The following SMLR1 variants were observed in gnomAD, a reference collection of about 807,000 sequenced individuals.
The protein encoded by SMLR1 is small leucine-rich protein 1.
Under a neutral mutation model 6.1 loss-of-function variants are expected in SMLR1, and 3 were observed. The observed-to-expected ratio is 0.49, with a 90% CI of 0.22 to 1.28. The LOEUF (loss-of-function observed/expected upper bound fraction) is 1.28, where lower values mean the gene tolerates loss of function less well. Ranked by LOEUF, SMLR1 falls within the 50% of genes most tolerant of loss-of-function variation. SMLR1 has a pLI of 0.19. For synonymous variants in SMLR1, 55 were observed against 53.6 expected, an observed-to-expected ratio of 1.03 and a Z score of -0.11; for missense variants, 126 against 124.8, an observed-to-expected ratio of 1.01 and a Z score of -0.05.
rs1774381752 is a variant in SMLR1 at position 130,829,640 on chromosome 6, A to C, written c.238+1989A>C. On this transcript the variant is annotated intron_variant, in intron 1 of 1. Coordinates refer to ENST00000541421, the MANE Select transcript of SMLR1 (RefSeq NM_001195597.2). ...AAAAAAGTTACTACCTTAAGTTTGT[A>C]ACTCAATACAATTGAAACTACTTCT... Among the ~76,000 whole-genome samples the C allele has an allele frequency of 3.3e-5, 5 of 152,342 alleles. No individual in the cohort carries two copies. In the South Asian group the frequency reaches 1.0e-3, roughly 32 times the overall value.
In SMLR1 at chr6:130,827,604, T is replaced by A; in HGVS notation, c.191T>A (p.Leu64Ter). Residue 64 changes from leucine to a stop codon, truncating the protein, a stop_gained, in exon 1 of 2, where the codon TTG becomes TAG. Transcript: ENST00000541421. LOFTEE classifies it low-confidence loss of function (END_TRUNC). ...LFFGVFLPVT[L>*]LLLLLIAYFR... The stretch of plus-strand genomic sequence containing the variant: ...TTTGGGGTCTTCCTCCCCGTGACTT[T>A]GCTGCTGCTCCTCCTCATCGCCTAC... The A allele has an allele frequency of 1.3e-6, 2 of 1,535,318 alleles. No individual in the cohort carries two copies. The highest frequency in any genetic ancestry group is 1.7e-6 in the Non-Finnish European group (2 of 1,146,184).
At position 130,836,764 on chromosome 6, in the gene SMLR1, A is replaced by G. The variant is rs1053782391; in HGVS notation, c.*1809A>G. The G allele has an allele frequency of 6.6e-6, 1 of 152,206 alleles. No individual in the cohort carries two copies. Among genetic ancestry groups the G allele is most frequent in the Non-Finnish European group, 1.5e-5 (1 of 68,050 alleles). The allele number at this position is 152,206 out of a possible 1,614,324, so 9.4% of individuals were successfully genotyped here. A position where few individuals can be genotyped will look rare whatever the true frequency, so the allele number is the denominator to read the frequency against. On this transcript the variant is annotated 3_prime_UTR_variant, in exon 2 of 2. Transcript: ENST00000541421. ...CATCTGCCTGAAGGCACTGCTAACG[A>G]ATTTGTCAAATCCTTTATCCAGCAC...
chr6:130,828,046 G>A (rs945249315), intron 1 of SMLR1, among the ~76,000 whole-genome samples: 11 of 117,588 alleles, frequency 9.4e-5, no homozygotes, highest in East Asian at 7.8e-4. Flanking sequence ...GTGCATGTCC[G>A]TGCGTGTGTA....
chr6:130,832,925 T>A (rs1214048694), intron 1 of SMLR1, among the ~76,000 whole-genome samples: 2 of 152,142 alleles, frequency 1.3e-5, no homozygotes, highest in African/African-American at 4.8e-5. Flanking sequence ...ATCAATCTCT[T>A]AATATAACGG....
rs953656243 is a variant in SMLR1, at chr6:130,835,207, T to C, written c.*252T>C. The C allele has an allele frequency of 1.8e-5, 7 of 390,118 alleles. No individual in the cohort carries two copies. Among genetic ancestry groups the C allele is most frequent in the African/African-American group, 6.0e-5 (3 of 50,098 alleles). 24.2% of individuals were successfully genotyped at this position (390,118 alleles called of 1,614,324 possible). A position where few individuals can be genotyped will look rare whatever the true frequency, so the allele number is the denominator to read the frequency against. On this transcript the variant is annotated 3_prime_UTR_variant, in exon 2 of 2. Transcript: ENST00000541421. ...TTCCTGGGTATATACACTGGACACA[T>C]TGTAACTTTTTAACTTTTATTGTGA...
intron 1 of SMLR1, among the ~76,000 whole-genome samples, chr6:130,833,405 T>C (rs1774531067): frequency 6.6e-6 from 1 of 152,144 alleles, no homozygotes. Context: ...CAGTTAGCCA[T>C]TGGTAATAAG....
intron 1 of SMLR1, among the ~76,000 whole-genome samples, chr6:130,834,431 C>A (rs1774573887): frequency 6.6e-6 from 1 of 151,908 alleles, no homozygotes; most frequent in Non-Finnish European, 1.5e-5. Flanking sequence ...GAGCAGGTTG[C>A]AAAAAGCTGA....
chr6:130,832,092 C>T (rs1306298004), intron 1 of SMLR1, among the ~76,000 whole-genome samples: 1 of 152,090 alleles, frequency 6.6e-6, no homozygotes, highest in Non-Finnish European at 1.5e-5. Flanking sequence ...CCTGCATCAG[C>T]CATTGTCATG....
In SMLR1 at chr6:130,827,617, C is replaced by T; in HGVS notation, c.204C>T (p.Leu68=). ...VFLPVTLLLL[L]LIAYFRIKLI... is the part of the protein sequence containing the mutation. ...TCCCCGTGACTTTGCTGCTGCTCCT[C>T]CTCATCGCCTACTTCAGGATCAAAC... The change falls in exon 1 of 2, where the codon CTC becomes CTT. Residue 68 remains leucine, a synonymous_variant. Transcript: ENST00000541421. 6.5e-7 allele frequency: 1 copy of T among 1,535,988 alleles called. No homozygotes were observed. The highest frequency in any genetic ancestry group is 8.7e-7 in the Non-Finnish European group (1 of 1,146,828).
chr6:130,827,745 G>A (rs1482359936), intron 1 of SMLR1, 94 bp downstream of exon 1: 4 of 861,254 alleles, frequency 4.6e-6, no homozygotes, highest in Non-Finnish European at 7.0e-6. Flanking sequence ...TTCTGGCCAG[G>A]AGAAACATAT....
At position 130,835,858 on chromosome 6, in the gene SMLR1, T is replaced by G. The variant is rs1180035143; in HGVS notation, c.*903T>G. 1 of 152,198 alleles carries G rather than the reference T, an allele frequency of 6.6e-6. No homozygotes were observed. Among genetic ancestry groups the G allele is most frequent in the African/African-American group, 2.4e-5 (1 of 41,466 alleles). 9.4% of individuals were successfully genotyped at this position (152,198 alleles called of 1,614,324 possible). On this transcript the variant is annotated 3_prime_UTR_variant, in exon 2 of 2. Transcript: ENST00000541421. ...TGTGGTTACTGTTGTGCTCCCCACA[T>G]TCTTCCAGTTAACATAAATCAAAGA...
intron 1 of SMLR1, 45 bp downstream of exon 1, chr6:130,827,696 A>G (rs1208274663): frequency 7.2e-7 from 1 of 1,389,176 alleles, no homozygotes; most frequent in Non-Finnish European, 9.9e-7. Context: ...ATCCTTTCCC[A>G]CAGCACATCT....
chr6:130,828,696 C>T (rs1242936072), intron 1 of SMLR1, among the ~76,000 whole-genome samples: 1 of 152,176 alleles, frequency 6.6e-6, no homozygotes, highest in Non-Finnish European at 1.5e-5. Context: ...TCACAACTTA[C>T]TCAAATATGC....
At chr6:130,832,718 A>G (rs1235483086) in intron 1 of SMLR1, among the ~76,000 whole-genome samples, 2 of 152,152 alleles carry the variant, frequency 1.3e-5, no homozygotes, top group Non-Finnish European at 2.9e-5. Flanking sequence ...CCTACCCACA[A>G]AGTGGTAGAA....
chr6:130,829,212 C>T (rs1262411676), intron 1 of SMLR1, among the ~76,000 whole-genome samples: 1 of 152,122 alleles, frequency 6.6e-6, no homozygotes, highest in African/African-American at 2.4e-5. Context: ...TATCAAGATC[C>T]CTTATTGGCC....
At chr6:130,832,784 C>A (rs1774505405) in intron 1 of SMLR1, among the ~76,000 whole-genome samples, 1 of 152,182 alleles carries the variant, frequency 6.6e-6, no homozygotes. Flanking sequence ...CGACGCACCA[C>A]CTCTGGAGTA....
At chr6:130,830,965 C>T (rs1774426729) in intron 1 of SMLR1, among the ~76,000 whole-genome samples, 2 of 152,202 alleles carry the variant, frequency 1.3e-5, no homozygotes, top group African/African-American at 4.8e-5. Context: ...GCTGCTCTGC[C>T]TGTGGAGTAG....
At chr6:130,828,287 T>C (rs568209260) in intron 1 of SMLR1, among the ~76,000 whole-genome samples, 2 of 152,310 alleles carry the variant, frequency 1.3e-5, no homozygotes, top group East Asian at 3.9e-4. Context: ...GGGTCTTGGA[T>C]TGACACTGTT....
intron 1 of SMLR1, among the ~76,000 whole-genome samples, chr6:130,830,817 G>A (rs1562256110): frequency 6.6e-6 from 1 of 152,152 alleles, no homozygotes; most frequent in African/African-American, 2.4e-5. Flanking sequence ...CCACCAGCAC[G>A]ACAGTTTACA....
Sources: allele counts gnomAD v4.1 joint callset (sites outside exome capture counted in the v4.1 genomes callset), GRCh38; gene constraint gnomAD v4.1.1; transcripts MANE v1.5; gene names NCBI Gene and HGNC (gene_info 2026-07-23, HGNC 2026-07-21).